Variants in PCDHGA5 observed in about 807,000 individuals in gnomAD.
The protein encoded by PCDHGA5 is protocadherin gamma-A5.
In PCDHGA5, 36 loss-of-function variants were observed where a neutral mutation model predicts 56.7. The observed-to-expected ratio is 0.64, with a 90% confidence interval of 0.49 to 0.84. The LOEUF (loss-of-function observed/expected upper bound fraction) is 0.84. Among genes scored for constraint, PCDHGA5 ranks in the 40% least tolerant of loss-of-function variants. PCDHGA5 has a pLI of 0.00. For synonymous variants in PCDHGA5, 563 were observed against 520.2 expected (o/e 1.08, Z -1.12); for missense variants, 1,305 against 1,201.5 (o/e 1.09, Z -1.27).
rs375879976 is a variant in PCDHGA5 at position 141,376,437 on chromosome 5, A to G, written c.2421+9686A>G. 2.7e-4 allele frequency: 434 copies of G among 1,614,084 alleles called. No homozygotes were observed. The highest frequency in any genetic ancestry group is 3.3e-4 in the Non-Finnish European group (388 of 1,180,040). ...GACACGCTTATCAACCAGGAGAGCT[A>G]TGAGAAAAGCGAGCCTCTTCTGATA... On this transcript the variant is annotated intron_variant, in intron 1 of 3. Coordinates refer to ENST00000518069, the MANE Select transcript of PCDHGA5 (RefSeq NM_018918.3).
At chr5:141,408,971 C>G (rs763728764) in intron 1 of PCDHGA5, 4 of 1,613,698 alleles carry the variant, frequency 2.5e-6, no homozygotes, top group Non-Finnish European at 3.4e-6. Flanking sequence ...AAATCTGCCC[C>G]CTGGGTCCCC....
chr5:141,451,676 G>C (rs1363843426), intron 1 of PCDHGA5, among the ~76,000 whole-genome samples: 1 of 152,142 alleles, frequency 6.6e-6, no homozygotes, highest in African/African-American at 2.4e-5. Context: ...GAGCCCAGGA[G>C]TTCAAGACCA....
Position 141,485,790 on chromosome 5 carries a change from C to T in PCDHGA5, c.2422-9017C>T. On this transcript the variant is annotated intron_variant, in intron 1 of 3. Transcript: ENST00000518069. This position sits in a 1 kb window ranked among gnomAD's most constrained non-coding sequence, Gnocchi z 5.7. The stretch of plus-strand genomic sequence containing the variant: ...AAGCCTTTGGATCGAGAGAAGCAAT[C>T]GGACTACCGCCTGGTGCTGACTGCT... 6.2e-7 allele frequency: 1 copy of T among 1,614,204 alleles called. No homozygotes were observed. Among genetic ancestry groups the T allele is most frequent in the Non-Finnish European group, 8.5e-7 (1 of 1,180,032 alleles).
At chr5:141,492,063 C>T in intron 1 of PCDHGA5, 1 of 481,160 alleles carries the variant, frequency 2.1e-6, no homozygotes, top group African/African-American at 2.0e-5. Flanking sequence ...CAGCCAGCCT[C>T]CTAGGCGCCG....
At chr5:141,369,395 G>A (rs1766207987) in intron 1 of PCDHGA5, among the ~76,000 whole-genome samples, 1 of 152,102 alleles carries the variant, frequency 6.6e-6, no homozygotes, top group Non-Finnish European at 1.5e-5. Context: ...TTTGGGCCAG[G>A]GTGGTTCATG....
In PCDHGA5 at chr5:141,481,831, G is replaced by A. The variant is rs35816779; in HGVS notation, c.2422-12976G>A. On this transcript the variant is annotated intron_variant, in intron 1 of 3. Coordinates refer to ENST00000518069, the MANE Select transcript of PCDHGA5 (RefSeq NM_018918.3). ...ACCAGGCGTGGTGGCTGAGGCAGGAGAATCGCTTGATGGTGGAGGTTGCAG... is the reference window on the plus strand; with the variant it reads ...ACCAGGCGTGGTGGCTGAGGCAGGAAAATCGCTTGATGGTGGAGGTTGCAG... Among the ~76,000 whole-genome samples the A allele has an allele frequency of 1.9e-3, 280 of 149,560 alleles. 1 individual carries two copies. The highest frequency in any genetic ancestry group is 0.01 in the Middle Eastern group (3 of 290).
intron 1 of PCDHGA5, chr5:141,392,255 G>A (rs912458411): frequency 4.6e-5 from 7 of 152,104 alleles, no homozygotes; most frequent in Non-Finnish European, 1.0e-4. Flanking sequence ...AGTATATATT[G>A]GAGACATTTA....
At chr5:141,466,983 C>A (rs2099133398) in intron 1 of PCDHGA5, among the ~76,000 whole-genome samples, 1 of 151,884 alleles carries the variant, frequency 6.6e-6, no homozygotes, top group African/African-American at 2.4e-5. Context: ...TCATCATTTA[C>A]CTTTTGGCAT....
At chr5:141,457,439 C>T (rs2098920819) in intron 1 of PCDHGA5, among the ~76,000 whole-genome samples, 1 of 152,194 alleles carries the variant, frequency 6.6e-6, no homozygotes, top group Non-Finnish European at 1.5e-5. Context: ...CACCAAGCTG[C>T]AGAAGATCAC....
At chr5:141,370,986 G>A in intron 1 of PCDHGA5, 2 of 1,613,992 alleles carry the variant, frequency 1.2e-6, no homozygotes, top group Non-Finnish European at 1.7e-6. Context: ...AGTACTGAAA[G>A]CACCCCTGGA....
intron 1 of PCDHGA5, among the ~76,000 whole-genome samples, chr5:141,457,477 C>A (rs964080100): frequency 2.0e-5 from 3 of 152,134 alleles, no homozygotes; most frequent in African/African-American, 7.2e-5. Context: ...TAAGCAGGGC[C>A]AGGGTTAGTC....
intron 1 of PCDHGA5, chr5:141,392,442 A>C (rs1355396676): frequency 1.2e-5 from 2 of 161,844 alleles, no homozygotes; most frequent in East Asian, 3.6e-4. Context: ...TGTTTCTTTT[A>C]AAATATGGGT....
chr5:141,377,575 G>C (rs2150112851), intron 1 of PCDHGA5: 1 of 150,404 alleles, frequency 6.6e-6, no homozygotes, highest in African/African-American at 2.4e-5. Context: ...TAGCCTGGGA[G>C]ACAGAATGAG....
In PCDHGA5 at chr5:141,382,905, G is replaced by C. The variant is rs773530372; in HGVS notation, c.2421+16154G>C. On this transcript the variant is annotated intron_variant, in intron 1 of 3. Transcript: ENST00000518069. Reference sequence around the variant, plus strand: ...GCAAGAGAAGCAGGACGACTATGGCGGCTCAGCCGAGGGGCGGGGACTACA... The same window carrying C: ...GCAAGAGAAGCAGGACGACTATGGCCGCTCAGCCGAGGGGCGGGGACTACA... 3.8e-5 allele frequency: 59 copies of C among 1,544,508 alleles called. No individual in the cohort carries two copies. The South Asian group carries it at 5.7e-4, about 15-fold the overall frequency.
chr5:141,429,387 TAA>T (rs11410533), intron 1 of PCDHGA5, among the ~76,000 whole-genome samples: 155 of 151,446 alleles, frequency 1.0e-3, no homozygotes, highest in African/African-American at 3.5e-3. Flanking sequence ...GTTTTTTTTT[TAA>T]AAAAAATTGA....
In PCDHGA5 at chr5:141,490,363, C is replaced by T. The variant is rs779932482; in HGVS notation, c.2422-4444C>T. 10 of 1,614,036 alleles carry T rather than the reference C, an allele frequency of 6.2e-6. No individual in the cohort carries two copies. The highest frequency in any genetic ancestry group is 1.3e-5 in the African/African-American group (1 of 74,904). The stretch of plus-strand genomic sequence containing the variant: ...CACAGTAGTGGGGTTGTTTAATGTG[C>T]GAGACCGGGACTCAGGTAGAAATGG... On this transcript the variant is annotated intron_variant, in intron 1 of 3. Coordinates refer to ENST00000518069, the MANE Select transcript of PCDHGA5 (RefSeq NM_018918.3). The surrounding 1 kb of genome is among the most constrained non-coding windows in gnomAD (Gnocchi z 5.4).
rs771858105 is a variant in PCDHGA5 at position 141,428,074 on chromosome 5, G to A, written c.2421+61323G>A. 4.4e-6 allele frequency: 7 copies of A among 1,609,112 alleles called. No homozygotes were observed. The African/African-American group carries it at 5.3e-5, about 12-fold the overall frequency. On this transcript the variant is annotated intron_variant, in intron 1 of 3. Transcript: ENST00000518069. The stretch of plus-strand genomic sequence containing the variant: ...GTGGTGGCGGTGGACGCAGATTCGG[G>A]ACACAACGCTTGGCTGTCCTACCAC...
intron 1 of PCDHGA5, chr5:141,405,187 G>T (rs372851700): frequency 9.3e-6 from 15 of 1,613,480 alleles, no homozygotes; most frequent in Non-Finnish European, 1.3e-5. Flanking sequence ...GTGTAGATGG[G>T]GTTCGAGCTT....
At position 141,403,569 on chromosome 5, in the gene PCDHGA5, C is replaced by A. The variant is rs1206497487; in HGVS notation, c.2421+36818C>A. On this transcript the variant is annotated intron_variant, in intron 1 of 3. Transcript: ENST00000518069. The stretch of plus-strand genomic sequence containing the variant: ...CGCGCCCTGGACAGGGAGGAGGCAA[C>A]TGCCCACCACCTGGTCCTCACGGCC... The A allele has an allele frequency of 5.6e-6, 9 of 1,613,828 alleles. No homozygotes were observed. The Admixed American group carries it at 6.7e-5, about 12-fold the overall frequency.
Sources: allele counts gnomAD v4.1 joint callset (sites outside exome capture counted in the v4.1 genomes callset), GRCh38; gene constraint gnomAD v4.1.1; non-coding constraint Gnocchi (gnomAD v3.1); transcripts MANE v1.5; gene names NCBI Gene and HGNC (gene_info 2026-07-23, HGNC 2026-07-21).